DLC1: variants seen among roughly 807,000 people sequenced by gnomAD.
DLC1 encodes the protein DLC1 Rho GTPase activating protein.
DLC1 carries 54 observed loss-of-function variants against 140.3 expected under a neutral mutation model. The ratio of observed to expected loss-of-function variants is 0.38; its 90% CI spans 0.31 to 0.48. DLC1 has a LOEUF of 0.48. Among genes scored for constraint, DLC1 ranks in the 20% least tolerant of loss-of-function variants. The probability of loss-of-function intolerance (pLI) is 0.96; values close to 1 mark genes in which losing one functional copy is unlikely to be tolerated. For missense variants in DLC1, 2,536 were observed against 1,907.0 expected, an observed-to-expected ratio of 1.33 and a Z score of -6.14; for synonymous variants, 986 against 728.1, an observed-to-expected ratio of 1.35 and a Z score of -5.70.
At chr8:13,414,917 A>C (rs1408146332) in intron 2 of DLC1, among the ~76,000 whole-genome samples, 3 of 151,828 alleles carry the variant, frequency 2.0e-5, no homozygotes, top group Non-Finnish European at 2.9e-5. Context: ...TTCAAGCGAT[A>C]TTCCTGCCTC....
In DLC1 at chr8:13,361,203, G is replaced by C. The variant is rs1402856007; in HGVS notation, c.1314+32350C>G. On this transcript the variant is annotated intron_variant, in intron 4 of 17. Transcript: ENST00000276297. ...GCCTTAATTATACCACTGCACTCCA[G>C]CCTGGGCGACGGAGTGAGACCTTGT... 2.0e-5 allele frequency among the ~76,000 whole-genome samples: 3 copies of C among 152,224 alleles called. No homozygotes were observed. The East Asian group carries it at 5.8e-4, about 30-fold the overall frequency.
intron 7 of DLC1, 84 bp downstream of exon 7, chr8:13,110,658 A>C: frequency 4.5e-6 from 6 of 1,340,342 alleles, no homozygotes; most frequent in Non-Finnish European, 5.2e-6. Flanking sequence ...TAGCAAGAAC[A>C]AAAGCAAACA....
chr8:13,453,438 G>GTA (rs1198851489), intron 2 of DLC1, among the ~76,000 whole-genome samples: 460 of 16,730 alleles, frequency 0.027, 56 homozygotes, highest in African/African-American at 0.1. Flanking sequence ...ATATATATAT[G>GTA]TATATATATA....
chr8:13,494,899 G>A (rs773717870), intron 2 of DLC1, among the ~76,000 whole-genome samples: 4 of 152,036 alleles, frequency 2.6e-5, no homozygotes, highest in Non-Finnish European at 4.4e-5. Context: ...TGCAATGGGC[G>A]GAGATCACAC....
chr8:13,319,480 G>GT (rs1443800910), intron 4 of DLC1, among the ~76,000 whole-genome samples: 4 of 104,880 alleles, frequency 3.8e-5, no homozygotes, highest in South Asian at 3.8e-4. Context: ...GGGGCGGGGG[G>GT]GGGGGGTGGA....
At chr8:13,603,746 A>G (rs951871074) in intron 1 of DLC1, among the ~76,000 whole-genome samples, 3 of 152,078 alleles carry the variant, frequency 2.0e-5, no homozygotes, top group African/African-American at 7.2e-5. Flanking sequence ...TAGCTTATCC[A>G]TTAGTGTTAT....
intron 5 of DLC1, among the ~76,000 whole-genome samples, chr8:13,277,677 T>G (rs951104533): frequency 1.3e-5 from 2 of 152,188 alleles, no homozygotes; most frequent in Non-Finnish European, 2.9e-5. Flanking sequence ...GCCTTTTAAA[T>G]GCATTATTAA....
intron 5 of DLC1, among the ~76,000 whole-genome samples, chr8:13,280,570 T>C (rs1365275755): frequency 2.6e-5 from 4 of 152,222 alleles, no homozygotes; most frequent in African/African-American, 9.6e-5. Context: ...TTTTGTCTGA[T>C]TTATACATTT....
At chr8:13,567,602 G>T (rs1386251460) in intron 1 of DLC1, 1 of 1,551,714 alleles carries the variant, frequency 6.4e-7, no homozygotes. Context: ...TATTGTAACA[G>T]GAAAAGAGCG....
chr8:13,448,139 T>C (rs1215845538), intron 2 of DLC1, among the ~76,000 whole-genome samples: 1 of 152,084 alleles, frequency 6.6e-6, no homozygotes, highest in Admixed American at 6.6e-5. Context: ...GCAACATCGG[T>C]GATTATGGCT....
At chr8:13,547,671 A>G (rs1803698823) in intron 1 of DLC1, among the ~76,000 whole-genome samples, 1 of 152,070 alleles carries the variant, frequency 6.6e-6, no homozygotes, top group African/African-American at 2.4e-5. Context: ...AGAAAATACA[A>G]CATCATTTTA....
chr8:13,291,351 T>C (rs3843803), intron 5 of DLC1, among the ~76,000 whole-genome samples: 73,847 of 152,106 alleles, frequency 0.49, 18,335 homozygotes, highest in Non-Finnish European at 0.53. Context: ...GGATAGTAAA[T>C]ATTTTTTGTT....
intron 5 of DLC1, among the ~76,000 whole-genome samples, chr8:13,219,270 AT>A (rs2117146468): frequency 7.2e-6 from 1 of 138,554 alleles, no homozygotes; most frequent in South Asian, 2.2e-4. Flanking sequence ...TAACTATATA[AT>A]TATAATATGA....
intron 2 of DLC1, among the ~76,000 whole-genome samples, chr8:13,490,961 C>A (rs1261411486): frequency 6.9e-6 from 1 of 144,190 alleles, no homozygotes; most frequent in African/African-American, 2.5e-5. Context: ...TAATTACCCT[C>A]ATTCAGAATT....
intron 4 of DLC1, among the ~76,000 whole-genome samples, chr8:13,326,075 A>G (rs1833333364): frequency 1.3e-5 from 2 of 152,232 alleles, no homozygotes; most frequent in Admixed American, 1.3e-4. Flanking sequence ...AGGTTTGTGT[A>G]AGTTCACTCT....
chr8:13,537,103 G>A (rs1208285721), intron 1 of DLC1, among the ~76,000 whole-genome samples: 1 of 147,908 alleles, frequency 6.8e-6, no homozygotes, highest in Non-Finnish European at 1.5e-5. Context: ...TAAATATGTA[G>A]CAAAAAACCA....
intron 2 of DLC1, among the ~76,000 whole-genome samples, chr8:13,459,195 T>C (rs1457677454): frequency 6.6e-6 from 1 of 152,228 alleles, no homozygotes; most frequent in Non-Finnish European, 1.5e-5. Flanking sequence ...TTTTTCTTAA[T>C]CTCTAGAGAA....
intron 4 of DLC1, among the ~76,000 whole-genome samples, chr8:13,362,750 T>C (rs1835291564): frequency 6.6e-6 from 1 of 152,200 alleles, no homozygotes; most frequent in Non-Finnish European, 1.5e-5. Context: ...TCAGCCACAC[T>C]GGCCCCTTCC....
chr8:13,133,947 G>T (rs963961787), intron 5 of DLC1, among the ~76,000 whole-genome samples: 1 of 152,176 alleles, frequency 6.6e-6, no homozygotes, highest in East Asian at 1.9e-4. Context: ...TACTGCCTTA[G>T]AGGAATTGAG....
Sources: gnomAD v4.1 joint callset for allele counts (sites outside exome capture counted in the v4.1 genomes callset) on GRCh38, gnomAD v4.1.1 for gene constraint, MANE v1.5 for transcripts, NCBI Gene and HGNC (gene_info 2026-07-23, HGNC 2026-07-21) for gene names.